CCDC27: variants seen among roughly 807,000 people sequenced by gnomAD.
CCDC27 encodes coiled-coil domain containing 27, also known as coiled-coil domain-containing protein 27.
Under a neutral mutation model 80.3 loss-of-function variants are expected in CCDC27, and 80 were observed. The observed-to-expected ratio is 1.00, with a 90% confidence interval of 0.83 to 1.20. The LOEUF is 1.20. Among genes scored for constraint, CCDC27 ranks in the 50% most tolerant of loss-of-function variants. The probability of loss-of-function intolerance (pLI) is 0.00; values close to 1 mark genes in which losing one functional copy is unlikely to be tolerated. For missense variants in CCDC27, 815 were observed against 809.4 expected (o/e 1.01, Z -0.08); for synonymous variants, 342 against 334.3 (o/e 1.02, Z -0.25).
At chr1:3,767,738 G>A (rs1643267358) in intron 10 of CCDC27, among the ~76,000 whole-genome samples, 1 of 152,260 alleles carries the variant, frequency 6.6e-6, no homozygotes, top group African/African-American at 2.4e-5. Flanking sequence ...TTGGATCACT[G>A]GCTGGAAAGG....
At chr1:3,754,476 C>A (rs550268137) in intron 2 of CCDC27, among the ~76,000 whole-genome samples, 1 of 152,096 alleles carries the variant, frequency 6.6e-6, no homozygotes, top group Non-Finnish European at 1.5e-5. Flanking sequence ...GTCTCCCCAG[C>A]CTTCTTGCTT....
rs1557619539 is a variant in CCDC27, at chr1:3,754,545, G to A, written c.442+304G>A. ...GTCAGGGGCTAGGGGAGTGGAAATG[G>A]TTGAAGATTCTGGAAGCTTCAGGAA... On this transcript the variant is annotated intron_variant, in intron 2 of 11. Transcript: ENST00000294600. Among the ~76,000 whole-genome samples, 6 of 152,286 alleles carry A rather than the reference G, an allele frequency of 3.9e-5. No homozygotes were observed. The South Asian group carries it at 1.2e-3, about 32-fold the overall frequency.
Position 3,769,801 on chromosome 1 carries a change from A to G in CCDC27, c.1762A>G (p.Lys588Glu). Reference sequence around the variant, plus strand: ...CTCACAGCTCGAGAGGTTAAGGAATAAGATCATCCAGGCCACCTTTAGCAT... The same window carrying G: ...CTCACAGCTCGAGAGGTTAAGGAATGAGATCATCCAGGCCACCTTTAGCAT... The part of the protein sequence containing the change: ...SQSRLERLRN[K>E]IIQATFSISG... The change falls in exon 11 of 12, where the codon AAG becomes GAG. Residue 588 changes from lysine (K) to glutamate (E), a missense_variant. Coordinates refer to ENST00000294600, the MANE Select transcript of CCDC27 (RefSeq NM_152492.3). The surrounding 1 kb of genome is among the most constrained non-coding windows in gnomAD (Gnocchi z 4.6). The G allele has an allele frequency of 6.2e-7, 1 of 1,613,882 alleles. No homozygotes were observed. The highest frequency in any genetic ancestry group is 8.5e-7 in the Non-Finnish European group (1 of 1,179,808).
rs1482675371 is a variant in CCDC27, at chr1:3,763,456, A to G, written c.1303A>G (p.Arg435Gly). The change falls in exon 7 of 12, where the codon AGA becomes GGA. Residue 435 changes from arginine to glycine, a missense_variant. Physicochemically the swap from Arg to Gly is moderately radical, Grantham distance 125 (BLOSUM62 -2). Transcript: ENST00000294600. This position sits in a 1 kb window ranked among gnomAD's most constrained non-coding sequence, Gnocchi z 7.5. ...GTTCAACCTGGAGGCCACCAGGACC[A>G]GATACTCCCTTGCAACAGGTAGGGC... ...FQFNLEATRT[R>G]YSLATGVIAS... 5 of 1,604,838 alleles carry G rather than the reference A, an allele frequency of 3.1e-6. No homozygotes were observed. The highest frequency in any genetic ancestry group is 1.1e-5 in the South Asian group (1 of 90,058).
In CCDC27 at chr1:3,769,706, G is replaced by A. The variant is rs371797811; in HGVS notation, c.1744-77G>A. On this transcript the variant is annotated intron_variant, in intron 10 of 11. Transcript: ENST00000294600. This position sits in a 1 kb window ranked among gnomAD's most constrained non-coding sequence, Gnocchi z 4.6. ...TCCTTCCTGGTACATAAAAAATAAGGTGGTGGGGGGTGCAGCCCACTGGCC... is the reference window on the plus strand; with the variant it reads ...TCCTTCCTGGTACATAAAAAATAAGATGGTGGGGGGTGCAGCCCACTGGCC... 27 of 931,472 alleles carry A rather than the reference G, an allele frequency of 2.9e-5. No individual in the cohort carries two copies. The African/African-American group carries it at 3.9e-4, about 13-fold the overall frequency. The allele number at this position is 931,472 out of a possible 1,614,324, so 57.7% of individuals were successfully genotyped here. A position where few individuals can be genotyped will look rare whatever the true frequency, so the allele number is the denominator to read the frequency against.
chr1:3,770,782 G>C (rs1643340875), intron 11 of CCDC27, among the ~76,000 whole-genome samples: 1 of 151,600 alleles, frequency 6.6e-6, no homozygotes, highest in Non-Finnish European at 1.5e-5. Context: ...TGCGGCCTTG[G>C]TACTGTTGTC....
chr1:3,770,962 G>A (rs1259128600), intron 11 of CCDC27, among the ~76,000 whole-genome samples: 1 of 152,158 alleles, frequency 6.6e-6, no homozygotes, highest in Non-Finnish European at 1.5e-5. Context: ...GAGAGGTGGG[G>A]ACAACATTCC....
Position 3,771,422 on chromosome 1 carries a change from G to T in CCDC27, c.1870G>T (p.Asp624Tyr). The part of the protein sequence containing the change: ...ALQRIISERS[D>Y]YYNQLKQKGV... ...GTAGAGAATTATCTCAGAGAGAAGCGACTACTATAATCAGCTGAAGCAGAA... is the reference window on the plus strand; with the variant it reads ...GTAGAGAATTATCTCAGAGAGAAGCTACTACTATAATCAGCTGAAGCAGAA... Residue 624 changes from aspartate (D) to tyrosine (Y), a missense_variant, in exon 12 of 12, where the codon GAC becomes TAC. By Grantham distance (160) the Asp-to-Tyr change is radical. Transcript: ENST00000294600. 1.9e-6 allele frequency: 3 copies of T among 1,614,020 alleles called. No individual in the cohort carries two copies. Among genetic ancestry groups the T allele is most frequent in the Non-Finnish European group, 2.5e-6 (3 of 1,179,988 alleles).
intron 3 of CCDC27, 131 bp from the exon 4 acceptor site, chr1:3,756,602 A>T: frequency 1.1e-6 from 1 of 929,864 alleles, no homozygotes; most frequent in Non-Finnish European, 1.7e-6. Flanking sequence ...TAGGAGACAG[A>T]TTGGAGTCTG....
Position 3,763,513 on chromosome 1 carries a change from A to G in CCDC27, c.1321+39A>G. 1 of 1,557,082 alleles carries G rather than the reference A, an allele frequency of 6.4e-7. No individual in the cohort carries two copies. Among genetic ancestry groups the G allele is most frequent in the Non-Finnish European group, 8.7e-7 (1 of 1,151,056 alleles). ...GGGGGGCACTGGGCTTTGGCCACTC[A>G]GTGGTTCCCGGCCCAGGAGCTGGGA... On this transcript the variant is annotated intron_variant, in intron 7 of 11. Transcript: ENST00000294600. This position sits in a 1 kb window ranked among gnomAD's most constrained non-coding sequence, Gnocchi z 7.5.
intron 8 of CCDC27, among the ~76,000 whole-genome samples, chr1:3,764,816 A>G (rs1643189748): frequency 6.6e-6 from 1 of 152,086 alleles, no homozygotes; most frequent in Admixed American, 6.6e-5. Context: ...CAGGTGGATC[A>G]CCTCAGGTCA....
In CCDC27 at chr1:3,769,673, T is replaced by C; in HGVS notation, c.1744-110T>C. On this transcript the variant is annotated intron_variant, in intron 10 of 11. Transcript: ENST00000294600. The surrounding 1 kb of genome is among the most constrained non-coding windows in gnomAD (Gnocchi z 4.6). ...TTTCTAAAGCCATGAAAAGTGAGGG[T>C]GAGCTGTTCCTTCCTGGTACATAAA... 1 of 743,622 alleles carries C rather than the reference T, an allele frequency of 1.3e-6. No homozygotes were observed. Among genetic ancestry groups the C allele is most frequent in the South Asian group, 1.5e-5 (1 of 67,184 alleles). The allele number at this position is 743,622 out of a possible 1,614,324, so 46.1% of individuals were successfully genotyped here.
rs1009565151 is a variant in CCDC27 at position 3,760,409 on chromosome 1, T to G, written c.712-872T>G. Among the ~76,000 whole-genome samples, 1 of 152,220 alleles carries G rather than the reference T, an allele frequency of 6.6e-6. No homozygotes were observed. The highest frequency in any genetic ancestry group is 2.4e-5 in the African/African-American group (1 of 41,454). On this transcript the variant is annotated intron_variant, in intron 4 of 11. Transcript: ENST00000294600. The surrounding 1 kb of genome is among the most constrained non-coding windows in gnomAD (Gnocchi z 4.3). The stretch of plus-strand genomic sequence containing the variant: ...CCTATCTTTATTCCTTTTCTTCTAC[T>G]TTCTGCGGGATTAATTTTAGTTCTT...
At position 3,760,939 on chromosome 1, in the gene CCDC27, G is replaced by A. The variant is rs1643069315; in HGVS notation, c.712-342G>A. Reference sequence around the variant, plus strand: ...AAGTGTCGGGGCTGCAAAGAAGACTGGTGTCCTGTGGTATAGTGGGGTGCA... The same window carrying A: ...AAGTGTCGGGGCTGCAAAGAAGACTAGTGTCCTGTGGTATAGTGGGGTGCA... On this transcript the variant is annotated intron_variant, in intron 4 of 11. Transcript: ENST00000294600. This position sits in a 1 kb window ranked among gnomAD's most constrained non-coding sequence, Gnocchi z 4.3. Among the ~76,000 whole-genome samples the A allele has an allele frequency of 6.6e-6, 1 of 152,172 alleles. No homozygotes were observed. Among genetic ancestry groups the A allele is most frequent in the Admixed American group, 6.5e-5 (1 of 15,284 alleles).
Position 3,763,037 on chromosome 1 carries a change from T to C in CCDC27, c.955-71T>C. 7.0e-7 allele frequency: 1 copy of C among 1,425,890 alleles called. No homozygotes were observed. The highest frequency in any genetic ancestry group is 9.2e-7 in the Non-Finnish European group (1 of 1,087,040). 88.3% of individuals were successfully genotyped at this position (1,425,890 alleles called of 1,614,324 possible). A position where few individuals can be genotyped will look rare whatever the true frequency, so the allele number is the denominator to read the frequency against. Reference sequence around the variant, plus strand: ...GGCGCCCTCCCCGGTGCCCCCGCCATGAGCATTAGAGCCCTCTGCCCTGGG... The same window carrying C: ...GGCGCCCTCCCCGGTGCCCCCGCCACGAGCATTAGAGCCCTCTGCCCTGGG... On this transcript the variant is annotated intron_variant, in intron 6 of 11. Transcript: ENST00000294600. The surrounding 1 kb of genome is among the most constrained non-coding windows in gnomAD (Gnocchi z 7.5).
In CCDC27 at chr1:3,766,514, A is replaced by T. The variant is rs1464751770; in HGVS notation, c.1453-21A>T. On this transcript the variant is annotated intron_variant, in intron 8 of 11. Coordinates refer to ENST00000294600, the MANE Select transcript of CCDC27 (RefSeq NM_152492.3). This position sits in a 1 kb window ranked among gnomAD's most constrained non-coding sequence, Gnocchi z 6.1. ...TCTAAACCTGGGAGTCCCCCAAGCCAACCCTTCTGTCTCCTTCCAGTTCTC... is the reference window on the plus strand; with the variant it reads ...TCTAAACCTGGGAGTCCCCCAAGCCTACCCTTCTGTCTCCTTCCAGTTCTC... 2 of 1,596,912 alleles carry T rather than the reference A, an allele frequency of 1.3e-6. No homozygotes were observed. Among genetic ancestry groups the T allele is most frequent in the Non-Finnish European group, 1.7e-6 (2 of 1,167,446 alleles).
In CCDC27 at chr1:3,763,888, T is replaced by G. The variant is rs1557627899; in HGVS notation, c.1452+52T>G. ...CGCTCCATGAGCATGGGCCCCAGGC[T>G]TCATTAACCCCCGGCAGCTCGGGGC... On this transcript the variant is annotated intron_variant, in intron 8 of 11. Coordinates refer to ENST00000294600, the MANE Select transcript of CCDC27 (RefSeq NM_152492.3). The surrounding 1 kb of genome is among the most constrained non-coding windows in gnomAD (Gnocchi z 7.5). 1 of 1,597,146 alleles carries G rather than the reference T, an allele frequency of 6.3e-7. No homozygotes were observed.
In CCDC27 at chr1:3,756,943, G is replaced by A. The variant is rs563755766; in HGVS notation, c.711+53G>A. On this transcript the variant is annotated intron_variant, in intron 4 of 11. Transcript: ENST00000294600. ...GCCCCCCACCCCTCTCTCTGCGTCC[G>A]GCTGGGAGGACAGCCCTGCTCCCTG... 121 of 1,566,814 alleles carry A rather than the reference G, an allele frequency of 7.7e-5. No individual in the cohort carries two copies. In the African/African-American group the frequency reaches 1.2e-3, roughly 16 times the overall value.
At position 3,763,637 on chromosome 1, in the gene CCDC27, C is replaced by T. The variant is rs1231155839; in HGVS notation, c.1322-69C>T. 1.2e-6 allele frequency: 2 copies of T among 1,600,080 alleles called. No homozygotes were observed. Among genetic ancestry groups the T allele is most frequent in the Admixed American group, 3.4e-5 (2 of 59,694 alleles). ...GAGCCCTCCCAGCTGCCGCAGTGGCCCGGCCCTCTCCTTCTGTCCCTCACT... is the reference window on the plus strand; with the variant it reads ...GAGCCCTCCCAGCTGCCGCAGTGGCTCGGCCCTCTCCTTCTGTCCCTCACT... On this transcript the variant is annotated intron_variant, in intron 7 of 11. Coordinates refer to ENST00000294600, the MANE Select transcript of CCDC27 (RefSeq NM_152492.3). This position sits in a 1 kb window ranked among gnomAD's most constrained non-coding sequence, Gnocchi z 7.5.
Sources: allele counts gnomAD v4.1 joint callset (sites outside exome capture counted in the v4.1 genomes callset), GRCh38; gene constraint gnomAD v4.1.1; non-coding constraint Gnocchi (gnomAD v3.1); transcripts MANE v1.5; gene names NCBI Gene and HGNC (gene_info 2026-07-23, HGNC 2026-07-21).